Variants in PPARA observed in about 807,000 individuals in gnomAD.
PPARA encodes peroxisome proliferator activated receptor alpha, also known as peroxisome proliferator-activated receptor alpha.
PPARA carries 22 observed loss-of-function variants against 42.2 expected under a neutral mutation model. The ratio of observed to expected loss-of-function variants is 0.52; its 90% CI spans 0.37 to 0.74. PPARA has a LOEUF of 0.74. Among genes scored for constraint, PPARA ranks in the 30% least tolerant of loss-of-function variants. The pLI is 0.00. For missense variants in PPARA, 465 were observed against 608.2 expected (o/e 0.76, Z 2.48); for synonymous variants, 242 against 239.3 (o/e 1.01, Z -0.10).
At chr22:46,194,788 G>A (rs1490741881) in intron 3 of PPARA, among the ~76,000 whole-genome samples, 1 of 151,536 alleles carries the variant, frequency 6.6e-6, no homozygotes, top group Admixed American at 6.6e-5. Context: ...TGGCCAGGCT[G>A]GTTTTGAACT....
rs1002028374 is a variant in PPARA at position 46,230,174 on chromosome 22, C to A, written c.712-1618C>A. ...ATTACCTGAGGTCAGGAGTGCGACA[C>A]CAGCCTGACCAACATGGTGTAACCC... On this transcript the variant is annotated intron_variant, in intron 7 of 8. Transcript: ENST00000407236. This position sits in a 1 kb window ranked among gnomAD's most constrained non-coding sequence, Gnocchi z 5.0. 1.3e-5 allele frequency among the ~76,000 whole-genome samples: 2 copies of A among 152,178 alleles called. No homozygotes were observed. Among genetic ancestry groups the A allele is most frequent in the Non-Finnish European group, 2.9e-5 (2 of 68,026 alleles).
rs1175243025 is a variant in PPARA, at chr22:46,191,162, C to G, written c.-42-7180C>G. ...TGAGCCGAGATTGCACAACTGCACTCCAGCCTGGGTGACAGAGTGAGACTG... is the reference window on the plus strand; with the variant it reads ...TGAGCCGAGATTGCACAACTGCACTGCAGCCTGGGTGACAGAGTGAGACTG... On this transcript the variant is annotated intron_variant, in intron 3 of 8. Coordinates refer to ENST00000407236, the MANE Select transcript of PPARA (RefSeq NM_005036.6). The surrounding 1 kb of genome is among the most constrained non-coding windows in gnomAD (Gnocchi z 4.6). Among the ~76,000 whole-genome samples the G allele has an allele frequency of 6.6e-6, 1 of 152,172 alleles. No individual in the cohort carries two copies. The highest frequency in any genetic ancestry group is 1.5e-5 in the Non-Finnish European group (1 of 68,038).
intron 4 of PPARA, among the ~76,000 whole-genome samples, chr22:46,213,690 C>G (rs188383672): frequency 3.3e-5 from 5 of 151,636 alleles, no homozygotes; most frequent in Non-Finnish European, 7.4e-5. Context: ...CCTGGGTTCA[C>G]GCCATTCTCC....
intron 2 of PPARA, among the ~76,000 whole-genome samples, chr22:46,174,123 A>G (rs1928545246): frequency 6.6e-6 from 1 of 151,276 alleles, no homozygotes; most frequent in African/African-American, 2.4e-5. Context: ...GGTTACAGTG[A>G]GCCGAGATTG....
At chr22:46,157,127 C>T (rs1227212934) in intron 2 of PPARA, among the ~76,000 whole-genome samples, 1 of 152,228 alleles carries the variant, frequency 6.6e-6, no homozygotes, top group Non-Finnish European at 1.5e-5. Flanking sequence ...ACTGTCCTCG[C>T]TGAGTCTAAC....
rs1933943525 is a variant in PPARA, at chr22:46,211,662, A to G, written c.209-3511A>G. Among the ~76,000 whole-genome samples the G allele has an allele frequency of 6.6e-6, 1 of 152,274 alleles. No individual in the cohort carries two copies. The highest frequency in any genetic ancestry group is 1.9e-4 in the East Asian group (1 of 5,184). The stretch of plus-strand genomic sequence containing the variant: ...TTTTCACAAATGCGTAGTGTCATGT[A>G]TCCACCACTACATTTTCCTTCTCTC... On this transcript the variant is annotated intron_variant, in intron 4 of 8. Coordinates refer to ENST00000407236, the MANE Select transcript of PPARA (RefSeq NM_005036.6). This position sits in a 1 kb window ranked among gnomAD's most constrained non-coding sequence, Gnocchi z 4.1.
In PPARA at chr22:46,191,156, T is replaced by G. The variant is rs939522761; in HGVS notation, c.-42-7186T>G. Among the ~76,000 whole-genome samples, 1 of 152,158 alleles carries G rather than the reference T, an allele frequency of 6.6e-6. No homozygotes were observed. Among genetic ancestry groups the G allele is most frequent in the African/African-American group, 2.4e-5 (1 of 41,422 alleles). On this transcript the variant is annotated intron_variant, in intron 3 of 8. Transcript: ENST00000407236. The surrounding 1 kb of genome is among the most constrained non-coding windows in gnomAD (Gnocchi z 4.6). The stretch of plus-strand genomic sequence containing the variant: ...TTGCAGTGAGCCGAGATTGCACAAC[T>G]GCACTCCAGCCTGGGTGACAGAGTG...
In PPARA at chr22:46,233,907, TC is replaced by T. The variant is rs1486265597; in HGVS notation, c.1160-1224del. On this transcript the variant is annotated intron_variant, in intron 8 of 8. Coordinates refer to ENST00000407236, the MANE Select transcript of PPARA (RefSeq NM_005036.6). This position sits in a 1 kb window ranked among gnomAD's most constrained non-coding sequence, Gnocchi z 7.3. The stretch of plus-strand genomic sequence containing the variant: ...GGCACGATCTCAGGTCACTGCAACT[TC>T]CGCCTCCTGGGTTCAAGTGATTCGC... Among the ~76,000 whole-genome samples, 1 of 152,044 alleles carries T rather than the reference TC, an allele frequency of 6.6e-6. No individual in the cohort carries two copies. Among genetic ancestry groups the T allele is most frequent in the East Asian group, 1.9e-4 (1 of 5,180 alleles).
At chr22:46,168,585 A>G (rs1432695066) in intron 2 of PPARA, among the ~76,000 whole-genome samples, 5 of 151,858 alleles carry the variant, frequency 3.3e-5, no homozygotes. Context: ...AAACAACCCA[A>G]TTAAAAATGG....
chr22:46,153,163 CTT>C (rs996863467), intron 2 of PPARA, among the ~76,000 whole-genome samples: 47 of 109,210 alleles, frequency 4.3e-4, no homozygotes, highest in African/African-American at 1.7e-3. Flanking sequence ...TTCCCACATC[CTT>C]TTTTTTTTTT....
Position 46,183,977 on chromosome 22 carries a change from T to G in PPARA, c.-43+7141T>G, listed in dbSNP as rs1468744469. 6.6e-6 allele frequency among the ~76,000 whole-genome samples: 1 copy of G among 152,138 alleles called. No individual in the cohort carries two copies. The highest frequency in any genetic ancestry group is 1.5e-5 in the Non-Finnish European group (1 of 68,012). ...GTGGTAGCCTCTCTGTACTTCAGTT[T>G]CCTCATCTGTAAAGTAAACATAATG... On this transcript the variant is annotated intron_variant, in intron 3 of 8. Coordinates refer to ENST00000407236, the MANE Select transcript of PPARA (RefSeq NM_005036.6). The surrounding 1 kb of genome is among the most constrained non-coding windows in gnomAD (Gnocchi z 5.5).
chr22:46,207,162 G>T (rs1273302568), intron 4 of PPARA, among the ~76,000 whole-genome samples: 1 of 151,250 alleles, frequency 6.6e-6, no homozygotes, highest in African/African-American at 2.4e-5. Context: ...GGCAGAGGTT[G>T]CAGTGAGCCA....
rs564884266 is a variant in PPARA, at chr22:46,225,354, G to A, written c.711+5340G>A. Among the ~76,000 whole-genome samples the A allele has an allele frequency of 2.6e-5, 4 of 152,258 alleles. No individual in the cohort carries two copies. The East Asian group carries it at 7.7e-4, about 29-fold the overall frequency. ...GGGCTGAGGGAGGCAATAAAAATGG[G>A]TGCTTTTCAACAGTGTCTAAAAACA... On this transcript the variant is annotated intron_variant, in intron 7 of 8. Transcript: ENST00000407236. This position sits in a 1 kb window ranked among gnomAD's most constrained non-coding sequence, Gnocchi z 4.1.
intron 4 of PPARA, among the ~76,000 whole-genome samples, chr22:46,207,905 G>A (rs543593458): frequency 4.6e-5 from 7 of 151,090 alleles, no homozygotes; most frequent in Non-Finnish European, 8.8e-5. Context: ...GGCTCCTCTC[G>A]AACTCCTGGC....
rs540973138 is a variant in PPARA at position 46,170,687 on chromosome 22, C to T, written c.-126-6066C>T. ...ACAAGAATTCTTCCTCCAAGAGTTA[C>T]AGGTCAGTTGAGCAGAAAAGGCATA... On this transcript the variant is annotated intron_variant, in intron 2 of 8. Transcript: ENST00000407236. 3.3e-5 allele frequency among the ~76,000 whole-genome samples: 5 copies of T among 151,830 alleles called. No individual in the cohort carries two copies. The South Asian group carries it at 1.0e-3, about 32-fold the overall frequency.
At chr22:46,153,319 A>G (rs1287944445) in intron 2 of PPARA, among the ~76,000 whole-genome samples, 1 of 151,654 alleles carries the variant, frequency 6.6e-6, no homozygotes, top group Non-Finnish European at 1.5e-5. Flanking sequence ...ACAGGCACTC[A>G]CCACCACACC....
Position 46,219,486 on chromosome 22 carries a change from C to T in PPARA, c.509-326C>T, listed in dbSNP as rs558219589. Among the ~76,000 whole-genome samples, 3 of 152,302 alleles carry T rather than the reference C, an allele frequency of 2.0e-5. No homozygotes were observed. The highest frequency in any genetic ancestry group is 7.2e-5 in the African/African-American group (3 of 41,564). ...ATTATATAAACTCATCCCGAAGCCCCGTTCACCTCCTTCACTCAAAGGTTG... is the reference window on the plus strand; with the variant it reads ...ATTATATAAACTCATCCCGAAGCCCTGTTCACCTCCTTCACTCAAAGGTTG... On this transcript the variant is annotated intron_variant, in intron 6 of 8. Transcript: ENST00000407236. This position sits in a 1 kb window ranked among gnomAD's most constrained non-coding sequence, Gnocchi z 4.8.
At position 46,231,030 on chromosome 22, in the gene PPARA, CA is replaced by C; in HGVS notation, c.712-761del. Among the ~76,000 whole-genome samples, 1 of 152,084 alleles carries C rather than the reference CA, an allele frequency of 6.6e-6. No homozygotes were observed. The highest frequency in any genetic ancestry group is 1.9e-4 in the East Asian group (1 of 5,202). On this transcript the variant is annotated intron_variant, in intron 7 of 8. Coordinates refer to ENST00000407236, the MANE Select transcript of PPARA (RefSeq NM_005036.6). This position sits in a 1 kb window ranked among gnomAD's most constrained non-coding sequence, Gnocchi z 7.7. The stretch of plus-strand genomic sequence containing the variant: ...CTCGTTAGTTTTGTTTTGACAAAAT[CA>C]GTACTTCAGTTTCTTGTTTCTTTTT...
intron 2 of PPARA, among the ~76,000 whole-genome samples, chr22:46,175,439 C>T (rs538542677): frequency 2.6e-5 from 4 of 152,138 alleles, no homozygotes; most frequent in Non-Finnish European, 4.4e-5. Context: ...ATAGGCCGGG[C>T]GCGGTGGCTC....
Sources: gnomAD v4.1 joint callset for allele counts (sites outside exome capture counted in the v4.1 genomes callset) on GRCh38, gnomAD v4.1.1 for gene constraint, Gnocchi (gnomAD v3.1) non-coding constraint, MANE v1.5 for transcripts, NCBI Gene and HGNC (gene_info 2026-07-23, HGNC 2026-07-21) for gene names.